The following BICC1 variants were observed in gnomAD, a reference collection of about 807,000 sequenced individuals.
The protein encoded by BICC1 is protein bicaudal C homolog 1.
In BICC1, 43 loss-of-function variants were observed where a neutral mutation model predicts 111.0. The ratio of observed to expected loss-of-function variants is 0.39; its 90% CI spans 0.30 to 0.50. The LOEUF (loss-of-function observed/expected upper bound fraction) is 0.50, where lower values mean the gene tolerates loss of function less well. Among genes scored for constraint, BICC1 ranks in the 20% least tolerant of loss-of-function variants. The pLI is 0.88. For missense variants in BICC1, 1,091 were observed against 1,203.2 expected (o/e 0.91, Z 1.38); for synonymous variants, 467 against 434.4 (o/e 1.07, Z -0.93).
chr10:58,776,470 T>A (rs1842751444), intron 3 of BICC1, among the ~76,000 whole-genome samples: 1 of 152,256 alleles, frequency 6.6e-6, no homozygotes, highest in African/African-American at 2.4e-5. Flanking sequence ...AGTTCTTGCA[T>A]AACTTGCTGT....
At chr10:58,654,366 T>C (rs1472736610) in intron 2 of BICC1, among the ~76,000 whole-genome samples, 2 of 61,846 alleles carry the variant, frequency 3.2e-5, no homozygotes, top group Admixed American at 2.0e-4. Context: ...TTTTTAATGA[T>C]TGCCATTCTA....
rs377334725 is a variant in BICC1 at position 58,800,395 on chromosome 10, A to G, written c.1858+69A>G. On this transcript the variant is annotated intron_variant, in intron 13 of 20. Transcript: ENST00000373886. ...GGAAAAAGGAGGTTGTAGAGAGTCT[A>G]TGCAGTGATTTTTGAGTTGGTTTTG... The G allele has an allele frequency of 2.3e-4, 340 of 1,469,762 alleles. No individual in the cohort carries two copies. In the African/African-American group the frequency reaches 3.7e-3, roughly 16 times the overall value. The allele number at this position is 1,469,762 out of a possible 1,614,324, so 91.0% of individuals were successfully genotyped here.
At position 58,596,876 on chromosome 10, in the gene BICC1, A is replaced by G. The variant is rs191164074; in HGVS notation, c.191-23979A>G. On this transcript the variant is annotated intron_variant, in intron 1 of 20. Transcript: ENST00000373886. ...GTGAAGGACCTCTTCAAGGAGAACT[A>G]TAAACCACTGCTCAAGGAAATAGGA... 2.3e-4 allele frequency among the ~76,000 whole-genome samples: 35 copies of G among 152,352 alleles called. No homozygotes were observed. The East Asian group carries it at 5.2e-3, about 23-fold the overall frequency.
intron 2 of BICC1, among the ~76,000 whole-genome samples, chr10:58,697,598 G>A (rs1840101259): frequency 6.6e-6 from 1 of 152,070 alleles, no homozygotes; most frequent in South Asian, 2.1e-4. Flanking sequence ...ACCTTTTCCA[G>A]TTCCCTAATT....
chr10:58,555,127 A>G (rs1843408418), intron 1 of BICC1, among the ~76,000 whole-genome samples: 1 of 151,936 alleles, frequency 6.6e-6, no homozygotes, highest in Non-Finnish European at 1.5e-5. Context: ...GTTTAGATCT[A>G]GGATAATTAT....
intron 3 of BICC1, among the ~76,000 whole-genome samples, chr10:58,727,081 C>T (rs1055040987): frequency 4.6e-5 from 7 of 152,082 alleles, no homozygotes; most frequent in African/African-American, 1.7e-4. Flanking sequence ...CTTTGTCTCA[C>T]TAATGTTAAC....
At chr10:58,566,191 T>TATACATATACACAC (rs1564490455) in intron 1 of BICC1, among the ~76,000 whole-genome samples, 6 of 151,440 alleles carry the variant, frequency 4.0e-5, no homozygotes, top group Non-Finnish European at 8.8e-5. Context: ...CGTGTGTATA[T>TATACATATACACAC]GTGTGTATAC....
intron 1 of BICC1, among the ~76,000 whole-genome samples, chr10:58,561,739 T>C (rs1843610461): frequency 1.3e-5 from 2 of 152,102 alleles, no homozygotes; most frequent in Non-Finnish European, 2.9e-5. Flanking sequence ...TACTTTCATA[T>C]GCTTTCATGA....
intron 20 of BICC1, among the ~76,000 whole-genome samples, chr10:58,825,880 A>G (rs575518678): frequency 6.6e-6 from 1 of 152,172 alleles, no homozygotes; most frequent in African/African-American, 2.4e-5. Context: ...AAGCAAAGTT[A>G]TGACATCATG....
rs1189117680 is a variant in BICC1 at position 58,829,100 on chromosome 10, T to A, written c.*209T>A. 3 of 472,836 alleles carry A rather than the reference T, an allele frequency of 6.3e-6. No individual in the cohort carries two copies. Among genetic ancestry groups the A allele is most frequent in the East Asian group, 3.9e-5 (1 of 25,972 alleles). 29.3% of individuals were successfully genotyped at this position (472,836 alleles called of 1,614,324 possible). ...ATACAGAACACCAAATATGGATTAC[T>A]TTTTTAAAATGGCAGTTGGACAGAA... On this transcript the variant is annotated 3_prime_UTR_variant, in exon 21 of 21. Coordinates refer to ENST00000373886, the MANE Select transcript of BICC1 (RefSeq NM_001080512.3).
intron 3 of BICC1, among the ~76,000 whole-genome samples, chr10:58,772,605 C>G (rs916033607): frequency 1.3e-5 from 2 of 152,170 alleles, no homozygotes; most frequent in African/African-American, 4.8e-5. Context: ...ACACTACTTA[C>G]AGCAGGACTT....
At chr10:58,699,433 T>C (rs1443060653) in intron 2 of BICC1, among the ~76,000 whole-genome samples, 2 of 152,378 alleles carry the variant, frequency 1.3e-5, no homozygotes, top group African/African-American at 2.4e-5. Context: ...TGGGCATCTA[T>C]TGGTGCTTAA....
At chr10:58,656,690 A>G (rs1838664020) in intron 2 of BICC1, among the ~76,000 whole-genome samples, 1 of 152,216 alleles carries the variant, frequency 6.6e-6, no homozygotes, top group Admixed American at 6.5e-5. Context: ...GCTTGACCTC[A>G]GTAAAAAATA....
rs1025291678 is a variant in BICC1 at position 58,680,904 on chromosome 10, C to T, written c.238-21170C>T. Reference sequence around the variant, plus strand: ...ACCATCTGATCTTTGACAAACCTGACAAAAACAAGCAATGGTGAAAGGATT... The same window carrying T: ...ACCATCTGATCTTTGACAAACCTGATAAAAACAAGCAATGGTGAAAGGATT... On this transcript the variant is annotated intron_variant, in intron 2 of 20. Coordinates refer to ENST00000373886, the MANE Select transcript of BICC1 (RefSeq NM_001080512.3). Among the ~76,000 whole-genome samples, 4 of 152,258 alleles carry T rather than the reference C, an allele frequency of 2.6e-5. No individual in the cohort carries two copies. In the South Asian group the frequency reaches 6.2e-4, roughly 24 times the overall value.
intron 2 of BICC1, among the ~76,000 whole-genome samples, chr10:58,652,817 C>T (rs866518343): frequency 6.6e-6 from 1 of 152,010 alleles, no homozygotes; most frequent in South Asian, 2.1e-4. Flanking sequence ...TTATCTTACA[C>T]GTGTAATAGA....
chr10:58,557,618 T>A (rs1430640008), intron 1 of BICC1, among the ~76,000 whole-genome samples: 10 of 152,102 alleles, frequency 6.6e-5, no homozygotes, highest in Admixed American at 4.6e-4. Context: ...ATCTCACATT[T>A]TTTTCTCACA....
chr10:58,793,637 A>C, intron 9 of BICC1, 22 bp downstream of exon 9: 2 of 1,612,106 alleles, frequency 1.2e-6, no homozygotes, highest in Non-Finnish European at 1.7e-6. Context: ...GTCTGAATCC[A>C]GAGAATTATG....
intron 3 of BICC1, among the ~76,000 whole-genome samples, chr10:58,771,225 G>GA (rs1156856683): frequency 2.0e-5 from 3 of 152,150 alleles, no homozygotes; most frequent in Admixed American, 2.0e-4. Flanking sequence ...GCCAGAGTCT[G>GA]AAGGGCTGTC....
At chr10:58,828,650 CT>C in intron 20 of BICC1, 110 bp from the exon 21 acceptor site, 1 of 1,181,340 alleles carries the variant, frequency 8.5e-7, no homozygotes, top group Non-Finnish European at 1.2e-6. Flanking sequence ...CCAGACTTGA[CT>C]TTCCTCAAAA....
Sources: allele counts gnomAD v4.1 joint callset (sites outside exome capture counted in the v4.1 genomes callset), GRCh38; gene constraint gnomAD v4.1.1; transcripts MANE v1.5; gene names NCBI Gene and HGNC (gene_info 2026-07-23, HGNC 2026-07-21).